The following IFTAP variants were observed in gnomAD, a reference collection of about 807,000 sequenced individuals.
IFTAP encodes intraflagellar transport-associated protein.
A neutral mutation model predicts 19.4 loss-of-function variants in IFTAP; 19 were observed. The observed-to-expected ratio is 0.98, with a 90% CI of 0.68 to 1.44. The LOEUF (loss-of-function observed/expected upper bound fraction) is 1.44. Ranked by LOEUF, IFTAP falls within the 40% of genes most tolerant of loss-of-function variation. The probability of loss-of-function intolerance (pLI) is 0.00; values close to 1 mark genes in which losing one functional copy is unlikely to be tolerated. For missense variants in IFTAP, 240 were observed against 253.6 expected, an observed-to-expected ratio of 0.95 and a Z score of 0.36; for synonymous variants, 85 against 83.5, an observed-to-expected ratio of 1.02 and a Z score of -0.10.
At chr11:36,602,513 A>C (rs13377317) in intron 1 of IFTAP, among the ~76,000 whole-genome samples, 3,411 of 152,268 alleles carry the variant, frequency 0.022, 123 homozygotes, top group African/African-American at 0.077. Context: ...TGAGCTAATA[A>C]ATCTTTTATG....
intron 2 of IFTAP, among the ~76,000 whole-genome samples, chr11:36,618,163 C>T (rs1014396854): frequency 6.6e-6 from 1 of 151,856 alleles, no homozygotes; most frequent in African/African-American, 2.4e-5. Flanking sequence ...ATGTTGGAGC[C>T]CTAACCCCCA....
At chr11:36,596,601 G>C (rs2133331282) in intron 1 of IFTAP, among the ~76,000 whole-genome samples, 1 of 152,276 alleles carries the variant, frequency 6.6e-6, no homozygotes, top group South Asian at 2.1e-4. Context: ...GAAAACTGTA[G>C]GTGATTACAC....
intron 4 of IFTAP, among the ~76,000 whole-genome samples, chr11:36,640,082 T>C (rs771663883): frequency 6.6e-5 from 10 of 152,106 alleles, no homozygotes. Flanking sequence ...TTATCTAGCT[T>C]TTCTAGTTGT....
At chr11:36,612,193 C>T (rs542575708) in intron 2 of IFTAP, among the ~76,000 whole-genome samples, 1 of 151,916 alleles carries the variant, frequency 6.6e-6, no homozygotes, top group Admixed American at 6.6e-5. Context: ...GTGATAACTT[C>T]ATTTTGGGTT....
Position 36,632,489 on chromosome 11 carries a change from T to G in IFTAP, c.137-795T>G, listed in dbSNP as rs1852764526. Reference sequence around the variant, plus strand: ...TATCTTTTATCAAAATTATTTCATTTTATTTCCCCCACATTTCTTTTAATA... The same window carrying G: ...TATCTTTTATCAAAATTATTTCATTGTATTTCCCCCACATTTCTTTTAATA... On this transcript the variant is annotated intron_variant, in intron 2 of 5. Transcript: ENST00000334307. Among the ~76,000 whole-genome samples the G allele has an allele frequency of 1.3e-5, 2 of 151,182 alleles. 1 individual carries two copies. Among genetic ancestry groups the G allele is most frequent in the African/African-American group, 4.9e-5 (2 of 40,540 alleles).
chr11:36,640,536 T>C (rs1853154970), intron 4 of IFTAP, among the ~76,000 whole-genome samples: 2 of 152,204 alleles, frequency 1.3e-5, no homozygotes, highest in Admixed American at 1.3e-4. Flanking sequence ...TTTATTTTTC[T>C]CTTTCATGAA....
At chr11:36,612,659 A>G (rs1189186568) in intron 2 of IFTAP, among the ~76,000 whole-genome samples, 2 of 152,032 alleles carry the variant, frequency 1.3e-5, no homozygotes, top group Non-Finnish European at 2.9e-5. Flanking sequence ...CACCATGCAT[A>G]CTTATGTACG....
In IFTAP at chr11:36,614,253, A is replaced by C. The variant is rs566166559; in HGVS notation, c.136+4014A>C. Among the ~76,000 whole-genome samples the C allele has an allele frequency of 2.9e-3, 418 of 145,020 alleles. 3 individuals are homozygous for C. Among genetic ancestry groups the C allele is most frequent in the African/African-American group, 9.9e-3 (373 of 37,842 alleles). On this transcript the variant is annotated intron_variant, in intron 2 of 5. Coordinates refer to ENST00000334307, the MANE Select transcript of IFTAP (RefSeq NM_138787.4). ...TCCCTACAAAGGACATGAACTCATC[A>C]TTTTTTATGGCTGCATAGTATTCCA...
intron 2 of IFTAP, 37 bp downstream of exon 2, chr11:36,610,276 A>G (rs768458231): frequency 6.5e-7 from 1 of 1,540,852 alleles, no homozygotes; most frequent in Non-Finnish European, 8.9e-7. Flanking sequence ...AGCAATGGAG[A>G]TAAATAATTT....
At chr11:36,616,058 A>G (rs1052427920) in intron 2 of IFTAP, among the ~76,000 whole-genome samples, 2 of 152,006 alleles carry the variant, frequency 1.3e-5, no homozygotes, top group Non-Finnish European at 2.9e-5. Context: ...TAAGAAGCCA[A>G]TGACTTAGAA....
At chr11:36,595,992 T>G (rs553439920) in intron 1 of IFTAP, among the ~76,000 whole-genome samples, 60 of 152,362 alleles carry the variant, frequency 3.9e-4, no homozygotes, top group African/African-American at 1.4e-3. Context: ...ATTCTTCTTG[T>G]CACCCTTTGT....
At chr11:36,628,514 G>A (rs1440498815) in intron 2 of IFTAP, among the ~76,000 whole-genome samples, 2 of 151,228 alleles carry the variant, frequency 1.3e-5, no homozygotes, top group Admixed American at 1.3e-4. Context: ...TGGTTTGCAT[G>A]TATGGCTTAA....
At chr11:36,614,173 G>T in intron 2 of IFTAP, among the ~76,000 whole-genome samples, 1 of 145,404 alleles carries the variant, frequency 6.9e-6, no homozygotes, top group Non-Finnish European at 1.5e-5. Context: ...GCGGTGTTTG[G>T]TTTTTTGTTC....
intron 4 of IFTAP, among the ~76,000 whole-genome samples, chr11:36,639,601 G>C (rs571562887): frequency 6.6e-6 from 1 of 152,118 alleles, no homozygotes; most frequent in Non-Finnish European, 1.5e-5. Flanking sequence ...GAGAGGAACC[G>C]AGAGAGAGGG....
intron 2 of IFTAP, among the ~76,000 whole-genome samples, chr11:36,616,559 A>G (rs1025942362): frequency 1.3e-5 from 2 of 151,984 alleles, no homozygotes; most frequent in Non-Finnish European, 2.9e-5. Flanking sequence ...GATAGTTCCA[A>G]ACTCTCGGAG....
chr11:36,649,241 A>G (rs891650706), intron 5 of IFTAP, among the ~76,000 whole-genome samples: 1 of 152,166 alleles, frequency 6.6e-6, no homozygotes, highest in Admixed American at 6.6e-5. Flanking sequence ...GCCACTTTCT[A>G]ATAAGTACTT....
chr11:36,600,592 C>T (rs754533783), intron 1 of IFTAP, among the ~76,000 whole-genome samples: 3 of 152,182 alleles, frequency 2.0e-5, no homozygotes, highest in African/African-American at 4.8e-5. Flanking sequence ...GTCTCTGGTG[C>T]GAAAAAGGTT....
At chr11:36,636,926 T>G (rs1187937050) in intron 4 of IFTAP, among the ~76,000 whole-genome samples, 7 of 110,238 alleles carry the variant, frequency 6.3e-5, no homozygotes, top group Admixed American at 1.7e-4. Flanking sequence ...TCAGGAAGTT[T>G]TTTTTTTTTT....
intron 2 of IFTAP, 21 bp downstream of exon 2, chr11:36,610,260 T>C: frequency 6.3e-7 from 1 of 1,579,380 alleles, no homozygotes; most frequent in Non-Finnish European, 8.6e-7. Flanking sequence ...GAAGTAAACT[T>C]TCTGCAGCAA....
Sources: gnomAD v4.1 joint callset for allele counts (sites outside exome capture counted in the v4.1 genomes callset) on GRCh38, gnomAD v4.1.1 for gene constraint, MANE v1.5 for transcripts, NCBI Gene and HGNC (gene_info 2026-07-23, HGNC 2026-07-21) for gene names.